Variants in IL1RAPL2 observed in about 807,000 individuals in gnomAD.
IL1RAPL2 encodes the protein interleukin 1 receptor accessory protein like 2.
In IL1RAPL2, 3 loss-of-function variants were observed where a neutral mutation model predicts 44.1. The observed-to-expected ratio is 0.07, with a 90% confidence interval of 0.03 to 0.18. IL1RAPL2 has a LOEUF of 0.18. Among genes scored for constraint, IL1RAPL2 ranks in the 10% least tolerant of loss-of-function variants. The probability of loss-of-function intolerance (pLI) is 1.00; values close to 1 mark genes in which losing one functional copy is unlikely to be tolerated. For synonymous variants in IL1RAPL2, 181 were observed against 178.8 expected (o/e 1.01, Z -0.10); for missense variants, 391 against 496.4 (o/e 0.79, Z 2.02).
chrX:105,578,183 G>C (rs1002768061), intron 6 of IL1RAPL2, among the ~76,000 whole-genome samples: 3 of 110,302 alleles, frequency 2.7e-5, no homozygotes, highest in South Asian at 3.9e-4. Context: ...CAGCAAAAAG[G>C]CTGTAAGTTC....
At chrX:105,692,961 G>C (rs1204088499) in intron 6 of IL1RAPL2, among the ~76,000 whole-genome samples, 2 of 111,484 alleles carry the variant, frequency 1.8e-5, no homozygotes, top group Non-Finnish European at 3.8e-5. Context: ...TTCTTCTGTG[G>C]ATCAGCAATT....
intron 2 of IL1RAPL2, among the ~76,000 whole-genome samples, chrX:104,958,713 A>G (rs1223965336): frequency 9.3e-6 from 1 of 107,520 alleles, no homozygotes; most frequent in Non-Finnish European, 1.9e-5. Context: ...TATCAAAATT[A>G]TTTAATTTTT....
At chrX:105,252,055 A>T (rs1259405996) in intron 4 of IL1RAPL2, among the ~76,000 whole-genome samples, 1 of 110,980 alleles carries the variant, frequency 9.0e-6, no homozygotes, top group African/African-American at 3.3e-5. Context: ...CAGTTCTGTC[A>T]CTCCAAGTTC....
Position 105,319,126 on chromosome X carries a change from G to A in IL1RAPL2, c.697+51585G>A, listed in dbSNP as rs776406756. Among the ~76,000 whole-genome samples the A allele has an allele frequency of 1.8e-4, 20 of 112,207 alleles. No homozygotes were observed. In the South Asian group the frequency reaches 7.5e-3, roughly 42 times the overall value. On this transcript the variant is annotated intron_variant, in intron 5 of 10. Coordinates refer to ENST00000372582, the MANE Select transcript of IL1RAPL2 (RefSeq NM_017416.2). ...GCTGCACTATCTTTCCCACAGCCCA[G>A]TAAAGGAGCTTTGAGATGAGCTTTT... is the stretch of plus-strand genomic sequence containing the variant.
At chrX:104,862,287 A>T (rs1015336683) in intron 2 of IL1RAPL2, among the ~76,000 whole-genome samples, 17 of 110,595 alleles carry the variant, frequency 1.5e-4, no homozygotes, top group Admixed American at 5.8e-4. Flanking sequence ...GGTTACTGTT[A>T]TGTGCTGAAT....
chrX:104,938,819 T>A (rs1418551737), intron 2 of IL1RAPL2, among the ~76,000 whole-genome samples: 1 of 111,410 alleles, frequency 9.0e-6, no homozygotes, highest in Non-Finnish European at 1.9e-5. Flanking sequence ...TTCTAACAAG[T>A]GACCAAGGAA....
At chrX:104,770,081 C>T (rs1309868865) in intron 2 of IL1RAPL2, among the ~76,000 whole-genome samples, 1 of 110,366 alleles carries the variant, frequency 9.1e-6, no homozygotes, top group East Asian at 2.8e-4. Flanking sequence ...GGCCTATCTA[C>T]CTTGAAGCAA....
intron 5 of IL1RAPL2, among the ~76,000 whole-genome samples, chrX:105,363,281 A>G (rs1444822789): frequency 4.1e-5 from 3 of 72,782 alleles, no homozygotes; most frequent in East Asian, 6.7e-4. Context: ...ATGTGTGTAT[A>G]TATATATAAT....
chrX:104,620,571 C>G (rs759105273), intron 1 of IL1RAPL2, among the ~76,000 whole-genome samples: 2 of 87,392 alleles, frequency 2.3e-5, no homozygotes, highest in South Asian at 1.2e-3. Flanking sequence ...GCCTGGGAGG[C>G]AGAGCTTGCA....
chrX:105,710,939 A>T (rs1370277491), intron 6 of IL1RAPL2, among the ~76,000 whole-genome samples: 1 of 105,371 alleles, frequency 9.5e-6, no homozygotes, highest in Non-Finnish European at 1.9e-5. Flanking sequence ...TATACATATA[A>T]ATATATATAT....
intron 2 of IL1RAPL2, among the ~76,000 whole-genome samples, chrX:104,895,970 C>G (rs1252718077): frequency 8.9e-6 from 1 of 112,093 alleles, no homozygotes; most frequent in Non-Finnish European, 1.9e-5. Context: ...TCTCCAAAAC[C>G]ACCAAGGCCT....
intron 1 of IL1RAPL2, among the ~76,000 whole-genome samples, chrX:104,631,524 C>T (rs1337054170): frequency 6.8e-4 from 76 of 111,056 alleles, no homozygotes; most frequent in African/African-American, 1.8e-3. Context: ...TTTTAATGAT[C>T]GCCATTCTAA....
chrX:104,701,310 G>GGTAC (rs991290809), intron 2 of IL1RAPL2, among the ~76,000 whole-genome samples: 26 of 111,688 alleles, frequency 2.3e-4, no homozygotes, highest in African/African-American at 8.1e-4. Context: ...AGGAAACTGA[G>GGTAC]GTACAGAAAG....
At chrX:105,442,133 C>T (rs1278583555) in intron 5 of IL1RAPL2, among the ~76,000 whole-genome samples, 2 of 110,325 alleles carry the variant, frequency 1.8e-5, no homozygotes, top group African/African-American at 6.6e-5. Flanking sequence ...TCACTGCAAG[C>T]TCTGCCTCCT....
chrX:105,544,279 A>G (rs1245386462), intron 6 of IL1RAPL2, among the ~76,000 whole-genome samples: 1 of 111,678 alleles, frequency 9.0e-6, no homozygotes, highest in African/African-American at 3.2e-5. Flanking sequence ...CTTAAAATGT[A>G]TTTATTAGTT....
chrX:104,624,692 C>T (rs1929465609), intron 1 of IL1RAPL2, among the ~76,000 whole-genome samples: 1 of 111,773 alleles, frequency 8.9e-6, no homozygotes, highest in South Asian at 3.7e-4. Context: ...TGTGTATGAA[C>T]ATTACATATA....
chrX:105,447,108 A>ATATATATATATATATATAT (rs2035963967), intron 5 of IL1RAPL2, among the ~76,000 whole-genome samples: 1 of 20,600 alleles, frequency 4.9e-5, no homozygotes, highest in African/African-American at 2.4e-4. Flanking sequence ...TATATATATA[A>ATATATATATATATATATAT]AAATATATAT....
chrX:104,695,121 G>C (rs1458145401), intron 2 of IL1RAPL2, among the ~76,000 whole-genome samples: 3 of 112,162 alleles, frequency 2.7e-5, no homozygotes, highest in Non-Finnish European at 3.8e-5. Flanking sequence ...ACTTGGGCTA[G>C]AAAATTTTCA....
At chrX:104,877,414 A>G (rs1922937133) in intron 2 of IL1RAPL2, among the ~76,000 whole-genome samples, 1 of 112,060 alleles carries the variant, frequency 8.9e-6, no homozygotes, top group Admixed American at 9.5e-5. Context: ...CAATCAATAG[A>G]AAAAGAGGGA....
Sources: allele counts gnomAD v4.1 joint callset (sites outside exome capture counted in the v4.1 genomes callset), GRCh38; gene constraint gnomAD v4.1.1; transcripts MANE v1.5; gene names NCBI Gene and HGNC (gene_info 2026-07-23, HGNC 2026-07-21).